The following AMPD3 variants were observed in gnomAD, a reference collection of about 807,000 sequenced individuals.
AMPD3 encodes the protein adenosine monophosphate deaminase 3, also known as AMP deaminase 3.
A neutral mutation model predicts 82.3 loss-of-function variants in AMPD3; 57 were observed. The observed-to-expected ratio is 0.69, with a 90% confidence interval of 0.56 to 0.86. The LOEUF is 0.86. AMPD3 is among the 40% of genes least tolerant of loss of function. The pLI is 0.00. For missense variants in AMPD3, 870 were observed against 1,003.8 expected, an observed-to-expected ratio of 0.87 and a Z score of 1.80; for synonymous variants, 381 against 394.7, an observed-to-expected ratio of 0.97 and a Z score of 0.41.
At chr11:10,461,446 G>T (rs751921390) in intron 1 of AMPD3, 69 bp from the exon 2 acceptor site, 5 of 1,610,860 alleles carry the variant, frequency 3.1e-6, no homozygotes, top group Non-Finnish European at 3.4e-6. Context: ...CCTCACTTCA[G>T]TGCCTTCTCT....
chr11:10,473,627 GA>G (rs1848655592), intron 2 of AMPD3: 1 of 983,384 alleles, frequency 1.0e-6, no homozygotes, highest in Middle Eastern at 5.2e-4. Context: ...TATGCGGAGT[GA>G]GTGATCTCTG....
upstream of AMPD3, chr11:10,455,054 A>C (rs1337748136): frequency 1.4e-6 from 1 of 705,040 alleles, no homozygotes; most frequent in Non-Finnish European, 1.7e-6. Context: ...AGTAAGACAC[A>C]ACCTCACGAT....
chr11:10,496,245 T>C, intron 9 of AMPD3: 12 of 985,386 alleles, frequency 1.2e-5, no homozygotes, highest in Non-Finnish European at 1.4e-5. Flanking sequence ...TTGAAAAATA[T>C]AGATGTGCAA....
chr11:10,498,833 C>T (rs1849495310), intron 10 of AMPD3, among the ~76,000 whole-genome samples: 1 of 152,216 alleles, frequency 6.6e-6, no homozygotes, highest in Admixed American at 6.5e-5. Flanking sequence ...CAAAGCACTG[C>T]CGTGGCCTGG....
intron 11 of AMPD3, chr11:10,500,498 A>G: frequency 1.5e-6 from 1 of 669,220 alleles, no homozygotes. Context: ...GACATATGTC[A>G]TGTACAGTAT....
In AMPD3 at chr11:10,461,581, C is replaced by T. The variant is rs749940953; in HGVS notation, c.62C>T (p.Ala21Val). 3.1e-6 allele frequency: 5 copies of T among 1,614,084 alleles called. No individual in the cohort carries two copies. Among genetic ancestry groups the T allele is most frequent in the Non-Finnish European group, 4.2e-6 (5 of 1,180,044 alleles). ...SEVDEQVRLL[A>V]EKVFAKVLRE... is the part of the protein sequence containing the mutation. Reference sequence around the variant, plus strand: ...GTGGATGAGCAAGTCCGGCTCCTGGCGGAGAAGGTGTTTGCTAAAGTGCTC... The same window carrying T: ...GTGGATGAGCAAGTCCGGCTCCTGGTGGAGAAGGTGTTTGCTAAAGTGCTC... Residue 21 changes from alanine (A) to valine (V), a missense_variant, in exon 2 of 15, where the codon GCG (alanine) becomes GTG (valine). Physicochemically the swap from Ala to Val is moderately conservative, Grantham distance 64 (BLOSUM62 0). Coordinates refer to ENST00000396553, the MANE Select transcript of AMPD3 (RefSeq NM_001025389.2).
intron 13 of AMPD3, 36 bp downstream of exon 13, chr11:10,502,930 T>G: frequency 6.2e-7 from 1 of 1,602,472 alleles, no homozygotes; most frequent in Non-Finnish European, 8.5e-7. Context: ...AGTGCTTCAG[T>G]AGGCACCAGT....
At position 10,506,001 on chromosome 11, in the gene AMPD3, AT is replaced by A. The variant is rs886047589; in HGVS notation, c.*121del. ...CTGTGAAGAGGATGCCTCTGAAGAA[AT>A]TTTAAACTGGTGATTTTGGTTGCAC... On this transcript the variant is annotated 3_prime_UTR_variant, in exon 15 of 15. Coordinates refer to ENST00000396553, the MANE Select transcript of AMPD3 (RefSeq NM_001025389.2). This position sits in a 1 kb window ranked among gnomAD's most constrained non-coding sequence, Gnocchi z 4.1. The A allele has an allele frequency of 3.5e-5, 43 of 1,213,184 alleles. No individual in the cohort carries two copies. Among genetic ancestry groups the A allele is most frequent in the Non-Finnish European group, 4.7e-5 (39 of 835,960 alleles). 75.2% of individuals were successfully genotyped at this position (1,213,184 alleles called of 1,614,324 possible). A position where few individuals can be genotyped will look rare whatever the true frequency, so the allele number is the denominator to read the frequency against.
At chr11:10,481,997 T>G in intron 3 of AMPD3, 66 bp from the exon 4 acceptor site, 1 of 1,606,548 alleles carries the variant, frequency 6.2e-7, no homozygotes, top group Non-Finnish European at 8.5e-7. Context: ...TGCAAGCACA[T>G]CTTTCCAAGG....
Position 10,502,878 on chromosome 11 carries a change from A to T in AMPD3, c.2000A>T (p.Gln667Leu). The change falls in exon 13 of 15, where the codon CAG becomes CTG. Residue 667 changes from glutamine to leucine, a missense_variant. Transcript: ENST00000396553. ...HVSLSTDDPM[Q>L]FHYTKEALME... Reference sequence around the variant, plus strand: ...TCTCTTTCCACCGATGACCCCATGCAGTTCCACTACACGAAGGTAAGGACT... The same window carrying T: ...TCTCTTTCCACCGATGACCCCATGCTGTTCCACTACACGAAGGTAAGGACT... 6.2e-7 allele frequency: 1 copy of T among 1,614,220 alleles called. No homozygotes were observed.
In AMPD3 at chr11:10,482,063, A is replaced by G. The variant is rs766237847; in HGVS notation, c.427A>G (p.Ile143Val). The G allele has an allele frequency of 3.1e-6, 5 of 1,614,208 alleles. No homozygotes were observed. In the Admixed American group the frequency reaches 5.0e-5, roughly 16 times the overall value. ...VTISGDYCAG[I>V]TLEDYEQAAK... ...TTTCCTGCCTGCCTCCCTTCTGCAG[A>G]TCACTTTGGAGGACTATGAGCAGGC... The change falls in exon 4 of 15, where the codon ATC becomes GTC. Residue 143 changes from isoleucine (I) to valine (V), a missense_variant and splice_region_variant. Transcript: ENST00000396553.
intron 4 of AMPD3, among the ~76,000 whole-genome samples, chr11:10,482,818 G>A (rs965340798): frequency 1.3e-5 from 2 of 152,176 alleles, no homozygotes; most frequent in Non-Finnish European, 2.9e-5. Flanking sequence ...GAGTCACTGC[G>A]CCTGGCCTCA....
chr11:10,496,805 C>T lies in AMPD3; in HGVS notation c.1431-7C>T, dbSNP rs777416663. On this transcript the variant is annotated splice_polypyrimidine_tract_variant and splice_region_variant and intron_variant, in intron 9 of 14. Transcript: ENST00000396553. ...CACCTGACAAGCGAGTCTTTGCTGT[C>T]CCCCAGTGACATATTTAGGTCAAAG... The T allele has an allele frequency of 2.4e-5, 38 of 1,613,312 alleles. No individual in the cohort carries two copies. In the South Asian group the frequency reaches 4.0e-4, roughly 17 times the overall value.
chr11:10,505,769 G>A lies in AMPD3; in HGVS notation c.2189G>A (p.Arg730Gln), dbSNP rs781765090. 55 of 1,614,046 alleles carry A rather than the reference G, an allele frequency of 3.4e-5. No homozygotes were observed. The highest frequency in any genetic ancestry group is 1.6e-4 in the Middle Eastern group (1 of 6,084). ...GAAGGACCTGAAGGAAATGATATTC[G>A]AAAGACAAATGTGGCTCAGATCCGG... is the stretch of plus-strand genomic sequence containing the variant. ...YKEGPEGNDI[R>Q]KTNVAQIRMA... The change falls in exon 15 of 15, where the codon CGA becomes CAA. Residue 730 changes from arginine (R) to glutamine (Q), a missense_variant. Transcript: ENST00000396553.
At chr11:10,481,414 AC>A (rs1848900761) in intron 3 of AMPD3, 1 of 985,146 alleles carries the variant, frequency 1.0e-6, no homozygotes, top group South Asian at 4.7e-5. Flanking sequence ...ACAAAAACAG[AC>A]TTTTGGCTTA....
Position 10,456,192 on chromosome 11 carries a change from G to A in AMPD3, c.-6+744G>A, listed in dbSNP as rs536612469. 9 of 1,417,382 alleles carry A rather than the reference G, an allele frequency of 6.3e-6. No individual in the cohort carries two copies. The East Asian group carries it at 1.8e-4, about 28-fold the overall frequency. The allele number at this position is 1,417,382 out of a possible 1,614,324, so 87.8% of individuals were successfully genotyped here. A position where few individuals can be genotyped will look rare whatever the true frequency, so the allele number is the denominator to read the frequency against. Reference sequence around the variant, plus strand: ...TTTTCCACTCATATTTCATATTCACGAGAGAATTTCCAGCCCAGGCTTTTC... The same window carrying A: ...TTTTCCACTCATATTTCATATTCACAAGAGAATTTCCAGCCCAGGCTTTTC... On this transcript the variant is annotated intron_variant, in intron 1 of 14. Transcript: ENST00000396553. This position sits in a 1 kb window ranked among gnomAD's most constrained non-coding sequence, Gnocchi z 4.3.
intron 14 of AMPD3, chr11:10,505,138 C>T (rs936830985): frequency 1.1e-5 from 11 of 985,268 alleles, no homozygotes; most frequent in Non-Finnish European, 1.2e-5. Flanking sequence ...CTATGGGACT[C>T]AGACATCTGT....
At chr11:10,489,124 G>A (rs1849165775) in intron 6 of AMPD3, among the ~76,000 whole-genome samples, 2 of 152,180 alleles carry the variant, frequency 1.3e-5, no homozygotes, top group Admixed American at 1.3e-4. Context: ...GGGCACCCTG[G>A]CATTTTCACC....
intron 2 of AMPD3, among the ~76,000 whole-genome samples, chr11:10,469,152 C>G (rs1007502722): frequency 5.9e-5 from 9 of 151,274 alleles, no homozygotes; most frequent in African/African-American, 2.2e-4. Context: ...CAGAGCAGAA[C>G]CGAAGGAGAT....
Sources: allele counts gnomAD v4.1 joint callset (sites outside exome capture counted in the v4.1 genomes callset), GRCh38; gene constraint gnomAD v4.1.1; non-coding constraint Gnocchi (gnomAD v3.1); transcripts MANE v1.5; gene names NCBI Gene and HGNC (gene_info 2026-07-23, HGNC 2026-07-21).